Variants in RTN3 observed in about 807,000 individuals in gnomAD.
The protein encoded by RTN3 is reticulon-3.
RTN3 carries 49 observed loss-of-function variants against 77.8 expected under a neutral mutation model. The ratio of observed to expected loss-of-function variants is 0.63; its 90% confidence interval spans 0.50 to 0.80. RTN3 has a LOEUF of 0.80. Among genes scored for constraint, RTN3 ranks in the 30% least tolerant of loss-of-function variants. The pLI is 0.00. For synonymous variants in RTN3, 464 were observed against 446.9 expected, an observed-to-expected ratio of 1.04 and a Z score of -0.48; for missense variants, 1,236 against 1,211.9, an observed-to-expected ratio of 1.02 and a Z score of -0.29.
intron 1 of RTN3, among the ~76,000 whole-genome samples, chr11:63,691,733 A>C (rs573550621): frequency 1.3e-5 from 2 of 152,128 alleles, no homozygotes; most frequent in Non-Finnish European, 2.9e-5. Flanking sequence ...AAGATATCCA[A>C]AGTCTGACCA....
At chr11:63,717,216 T>G (rs61928209) in intron 2 of RTN3, among the ~76,000 whole-genome samples, 16,601 of 151,934 alleles carry the variant, frequency 0.11, 1,028 homozygotes, top group South Asian at 0.16. Flanking sequence ...CTTGGGATAT[T>G]TGTTTTGATC....
At chr11:63,746,285 A>G (rs1288353913) in intron 3 of RTN3, among the ~76,000 whole-genome samples, 1 of 152,246 alleles carries the variant, frequency 6.6e-6, no homozygotes, top group Non-Finnish European at 1.5e-5. Flanking sequence ...GCTACAAGGA[A>G]GTCCCGTATA....
chr11:63,725,447 T>G (rs2012181862), intron 3 of RTN3, among the ~76,000 whole-genome samples: 1 of 151,952 alleles, frequency 6.6e-6, no homozygotes, highest in Admixed American at 6.6e-5. Context: ...TTTTTTTCCT[T>G]TTTCTTTTTC....
At chr11:63,697,801 C>G (rs1174566408) in intron 1 of RTN3, among the ~76,000 whole-genome samples, 1 of 152,082 alleles carries the variant, frequency 6.6e-6, no homozygotes, top group East Asian at 1.9e-4. Flanking sequence ...AATCCCATAT[C>G]TTCTAGCAAT....
chr11:63,734,778 CACA>C (rs377440658), intron 3 of RTN3, among the ~76,000 whole-genome samples: 12,449 of 142,484 alleles, frequency 0.087, 678 homozygotes, highest in East Asian at 0.1. Context: ...CACACACACA[CACA>C]CCATACTGGA....
At chr11:63,753,264 G>T in intron 6 of RTN3, 126 bp downstream of exon 6, 1 of 858,680 alleles carries the variant, frequency 1.2e-6, no homozygotes, top group Non-Finnish European at 1.8e-6. Flanking sequence ...AGACCTGGGA[G>T]TAGAGGCACT....
chr11:63,719,884 TGG>T lies in RTN3; in HGVS notation c.1384_1385del (p.Gly462PhefsTer12). The T allele has an allele frequency of 6.2e-7, 1 of 1,614,130 alleles. No individual in the cohort carries two copies. The highest frequency in any genetic ancestry group is 8.5e-7 in the Non-Finnish European group (1 of 1,179,996). ...TCTCCACCTGAGAAATGTGACTCTTTGGGTTCTGGAGTGGCCACAGTGAAAGT... is the reference window on the plus strand; with the variant it reads ...TCTCCACCTGAGAAATGTGACTCTTTGTTCTGGAGTGGCCACAGTGAAAGT... On this transcript the variant is annotated frameshift_variant, in exon 3 of 9. Coordinates refer to ENST00000377819, the MANE Select transcript of RTN3 (RefSeq NM_001265589.2). LOFTEE classifies it high-confidence loss of function.
chr11:63,751,787 TTCAAGA>T (rs2014119442), intron 4 of RTN3, among the ~76,000 whole-genome samples: 1 of 151,750 alleles, frequency 6.6e-6, no homozygotes, highest in African/African-American at 2.4e-5. Context: ...AGGTCAGGAG[TTCAAGA>T]CTAGCCTGGC....
chr11:63,697,488 A>ATTC (rs1203124839), intron 1 of RTN3, among the ~76,000 whole-genome samples: 1 of 149,378 alleles, frequency 6.7e-6, no homozygotes, highest in African/African-American at 2.5e-5. Flanking sequence ...TATTATTATT[A>ATTC]TTTTGAGACG....
chr11:63,700,122 A>T (rs1253674236), intron 1 of RTN3, among the ~76,000 whole-genome samples: 1 of 152,160 alleles, frequency 6.6e-6, no homozygotes, highest in Non-Finnish European at 1.5e-5. Flanking sequence ...AACAGCTGGC[A>T]TGCTCATAGG....
chr11:63,758,196 G>T lies in RTN3; in HGVS notation c.3094G>T (p.Glu1032Ter). 1 of 1,612,754 alleles carries T rather than the reference G, an allele frequency of 6.2e-7. No individual in the cohort carries two copies. Among genetic ancestry groups the T allele is most frequent in the Non-Finnish European group, 8.5e-7 (1 of 1,179,558 alleles). Residue 1032 changes from glutamate to a stop codon, truncating the protein, a stop_gained, in exon 9 of 9, where the codon GAA (glutamate) becomes TAA (stop). Coordinates refer to ENST00000377819, the MANE Select transcript of RTN3 (RefSeq NM_001265589.2). LOFTEE classifies it high-confidence loss of function. ...CCCTGGAATCGCCAAAAAAAAGGCA[G>T]AATAAGTACATGGAAACCAGAAATG... ...KLPGIAKKKA[E>*]
At chr11:63,683,932 T>C (rs190424520) in intron 1 of RTN3, among the ~76,000 whole-genome samples, 41 of 149,126 alleles carry the variant, frequency 2.7e-4, no homozygotes, top group Admixed American at 2.2e-3. Context: ...TCTTTCTCTT[T>C]TCTTTTCTTT....
At chr11:63,702,823 C>T (rs1259542068) in intron 1 of RTN3, among the ~76,000 whole-genome samples, 1 of 151,112 alleles carries the variant, frequency 6.6e-6, no homozygotes, top group Non-Finnish European at 1.5e-5. Context: ...GTAGCTGGGA[C>T]TACAGGTGCC....
Position 63,752,773 on chromosome 11 carries a change from T to A in RTN3, c.2877+128T>A. On this transcript the variant is annotated intron_variant, in intron 5 of 8. Coordinates refer to ENST00000377819, the MANE Select transcript of RTN3 (RefSeq NM_001265589.2). ...ACGTATGCTTAGCTCAGTCATTCTA[T>A]AATGGGATAGGTGTCACTAGAGAAA... 5.1e-6 allele frequency: 5 copies of A among 987,786 alleles called. No individual in the cohort carries two copies. The East Asian group carries it at 1.2e-4, about 24-fold the overall frequency. 61.2% of individuals were successfully genotyped at this position (987,786 alleles called of 1,614,324 possible).
In RTN3 at chr11:63,750,117, T is replaced by TTC; in HGVS notation, c.2663_2664dup (p.Val889LeufsTer31). The TTC allele has an allele frequency of 1.2e-6, 2 of 1,613,018 alleles. No homozygotes were observed. Among genetic ancestry groups the TTC allele is most frequent in the Non-Finnish European group, 1.7e-6 (2 of 1,179,414 alleles). ...GTGGTTTCTTACCTCATCCTGGCTC[T>TTC]TCTCTCTGTCACCATCAGCTTCAGG... On this transcript the variant is annotated frameshift_variant, in exon 4 of 9. Transcript: ENST00000377819. LOFTEE classifies it high-confidence loss of function.
At chr11:63,694,756 C>T (rs1027233233) in intron 1 of RTN3, among the ~76,000 whole-genome samples, 7 of 152,208 alleles carry the variant, frequency 4.6e-5, no homozygotes, top group Non-Finnish European at 1.0e-4. Flanking sequence ...GCGCGCCCAA[C>T]CTTTAACCAA....
chr11:63,684,698 C>G (rs1432757841), intron 1 of RTN3, among the ~76,000 whole-genome samples: 1 of 152,184 alleles, frequency 6.6e-6, no homozygotes, highest in South Asian at 2.1e-4. Context: ...TATAGTAGTA[C>G]TTGGTAAGTA....
chr11:63,758,061 C>T, intron 8 of RTN3, 95 bp from the exon 9 acceptor site: 1 of 872,920 alleles, frequency 1.1e-6, no homozygotes, highest in Non-Finnish European at 1.8e-6. Context: ...TTATGCAAGT[C>T]CAGGACTGTC....
intron 1 of RTN3, among the ~76,000 whole-genome samples, chr11:63,682,618 A>G (rs1941119996): frequency 6.7e-6 from 1 of 149,914 alleles, no homozygotes; most frequent in Admixed American, 6.7e-5. Flanking sequence ...CTATTGATCG[A>G]AGTATAACAA....
Sources: allele counts gnomAD v4.1 joint callset (sites outside exome capture counted in the v4.1 genomes callset), GRCh38; gene constraint gnomAD v4.1.1; transcripts MANE v1.5; gene names NCBI Gene and HGNC (gene_info 2026-07-23, HGNC 2026-07-21).